SPTBN1: variants seen among roughly 807,000 people sequenced by gnomAD.
SPTBN1 encodes spectrin beta, non-erythrocytic 1.
A neutral mutation model predicts 266.4 loss-of-function variants in SPTBN1; 32 were observed. The observed-to-expected ratio is 0.12, with a 90% confidence interval of 0.09 to 0.16. The LOEUF is 0.16. Ranked by LOEUF, SPTBN1 falls within the 10% of genes least tolerant of loss-of-function variation. The pLI is 1.00. For missense variants in SPTBN1, 2,296 were observed against 3,067.1 expected, an observed-to-expected ratio of 0.75 and a Z score of 5.94; for synonymous variants, 1,336 against 1,162.2, an observed-to-expected ratio of 1.15 and a Z score of -3.04.
At chr2:54,569,744 G>C (rs762374682) in intron 2 of SPTBN1, among the ~76,000 whole-genome samples, 1 of 152,178 alleles carries the variant, frequency 6.6e-6, no homozygotes, top group Non-Finnish European at 1.5e-5. Context: ...AATTAGGTGA[G>C]ATTCTGTGTG....
At chr2:54,518,866 G>A (rs1203721582) in intron 1 of SPTBN1, among the ~76,000 whole-genome samples, 1 of 152,076 alleles carries the variant, frequency 6.6e-6, no homozygotes, top group Non-Finnish European at 1.5e-5. Context: ...TTCTCTATTT[G>A]TTGCTTTACT....
chr2:54,639,262 C>T (rs1679367851), intron 18 of SPTBN1, among the ~76,000 whole-genome samples: 1 of 152,204 alleles, frequency 6.6e-6, no homozygotes, highest in Admixed American at 6.5e-5. Context: ...TACCAGTTGC[C>T]ATTTTTCACT....
In SPTBN1 at chr2:54,645,472, C is replaced by T. The variant is rs747101955; in HGVS notation, c.4494+19C>T. On this transcript the variant is annotated intron_variant, in intron 21 of 35. Coordinates refer to ENST00000356805, the MANE Select transcript of SPTBN1 (RefSeq NM_003128.3). This position sits in a 1 kb window ranked among gnomAD's most constrained non-coding sequence, Gnocchi z 4.3. ...CGAGATCGTGAGTCGACCCCTACTG[C>T]ACACATGGCTTTTCCACGAGCCCCC... is the stretch of plus-strand genomic sequence containing the variant. 1.9e-6 allele frequency: 3 copies of T among 1,610,632 alleles called. No homozygotes were observed. Among genetic ancestry groups the T allele is most frequent in the South Asian group, 2.2e-5 (2 of 90,882 alleles).
intron 3 of SPTBN1, among the ~76,000 whole-genome samples, chr2:54,604,784 G>A (rs1676726483): frequency 6.6e-6 from 1 of 152,046 alleles, no homozygotes; most frequent in Admixed American, 6.5e-5. Context: ...AAGTGCCTGT[G>A]AAAAAAACAC....
At chr2:54,543,550 A>G (rs1349201002) in intron 2 of SPTBN1, among the ~76,000 whole-genome samples, 1 of 152,052 alleles carries the variant, frequency 6.6e-6, no homozygotes, top group Non-Finnish European at 1.5e-5. Flanking sequence ...TGTGACCCTC[A>G]GTCCTTCTCC....
At chr2:54,509,053 G>C (rs758530457) in intron 1 of SPTBN1, among the ~76,000 whole-genome samples, 5 of 152,208 alleles carry the variant, frequency 3.3e-5, no homozygotes, top group Non-Finnish European at 7.3e-5. Context: ...AGCTTGCTGA[G>C]AGGTAATGGA....
intron 35 of SPTBN1, among the ~76,000 whole-genome samples, chr2:54,667,882 G>C (rs1302653854): frequency 6.6e-6 from 1 of 152,166 alleles, no homozygotes; most frequent in Non-Finnish European, 1.5e-5. Context: ...ATCTTTGCCT[G>C]TCCCCTCCCA....
At chr2:54,582,831 C>CTG in intron 2 of SPTBN1, among the ~76,000 whole-genome samples, 1 of 152,298 alleles carries the variant, frequency 6.6e-6, no homozygotes, top group East Asian at 1.9e-4. Context: ...ACTGCTGGGA[C>CTG]TGTGCTTGCT....
At chr2:54,553,819 C>G (rs1276014683) in intron 2 of SPTBN1, among the ~76,000 whole-genome samples, 1 of 152,180 alleles carries the variant, frequency 6.6e-6, no homozygotes, top group Non-Finnish European at 1.5e-5. Flanking sequence ...AAATGAACAT[C>G]TAAAGTTTAC....
chr2:54,546,958 TAAA>T (rs71975342), intron 2 of SPTBN1, among the ~76,000 whole-genome samples: 10 of 144,086 alleles, frequency 6.9e-5, no homozygotes, highest in African/African-American at 1.0e-4. Context: ...TTAATGGTGG[TAAA>T]AAAAAAAAAA....
At chr2:54,591,758 T>C (rs7584223) in intron 2 of SPTBN1, among the ~76,000 whole-genome samples, 45,658 of 152,232 alleles carry the variant, frequency 0.3, 9,801 homozygotes, top group African/African-American at 0.62. Context: ...TGCAGAAAGA[T>C]GCCGTACAAT....
intron 2 of SPTBN1, among the ~76,000 whole-genome samples, chr2:54,548,665 G>T (rs1472966500): frequency 6.6e-6 from 1 of 152,206 alleles, no homozygotes; most frequent in Non-Finnish European, 1.5e-5. Flanking sequence ...CTAATCTCCA[G>T]CATGCCGGTA....
chr2:54,510,113 T>A (rs1219494561), intron 1 of SPTBN1, among the ~76,000 whole-genome samples: 1 of 151,972 alleles, frequency 6.6e-6, no homozygotes, highest in Non-Finnish European at 1.5e-5. Context: ...CACCCACCTC[T>A]GCGCCCGGCT....
chr2:54,655,312 A>G, intron 28 of SPTBN1, 104 bp downstream of exon 28: 1 of 1,373,904 alleles, frequency 7.3e-7, no homozygotes, highest in Admixed American at 2.2e-5. Context: ...ACATTCTTAT[A>G]CACACACACA....
At chr2:54,635,562 C>T (rs1030252988) in intron 17 of SPTBN1, among the ~76,000 whole-genome samples, 1 of 152,228 alleles carries the variant, frequency 6.6e-6, no homozygotes. Context: ...ATTCAGGATT[C>T]TGTATGGTCA....
chr2:54,461,132 T>G (rs538552920), intron 1 of SPTBN1, among the ~76,000 whole-genome samples: 1 of 152,354 alleles, frequency 6.6e-6, no homozygotes, highest in South Asian at 2.1e-4. Flanking sequence ...TTTGTGCATA[T>G]CATTCCCTTC....
chr2:54,480,799 T>C (rs371922169), intron 1 of SPTBN1, among the ~76,000 whole-genome samples: 2 of 152,242 alleles, frequency 1.3e-5, no homozygotes, highest in African/African-American at 4.8e-5. Flanking sequence ...TGAGAACTTA[T>C]TGGCTGTGAA....
At chr2:54,552,646 T>G (rs550137265) in intron 2 of SPTBN1, among the ~76,000 whole-genome samples, 2 of 152,132 alleles carry the variant, frequency 1.3e-5, no homozygotes, top group South Asian at 4.2e-4. Context: ...CAATAGAGAC[T>G]GGGTTTCACC....
intron 18 of SPTBN1, among the ~76,000 whole-genome samples, chr2:54,642,731 A>AT (rs1178106173): frequency 6.6e-6 from 1 of 152,172 alleles, no homozygotes; most frequent in Non-Finnish European, 1.5e-5. Context: ...AAACAGTTTG[A>AT]AAACTGGCTT....
Sources: gnomAD v4.1 joint callset for allele counts (sites outside exome capture counted in the v4.1 genomes callset) on GRCh38, gnomAD v4.1.1 for gene constraint, Gnocchi (gnomAD v3.1) non-coding constraint, MANE v1.5 for transcripts, NCBI Gene and HGNC (gene_info 2026-07-23, HGNC 2026-07-21) for gene names.